The following TBC1D1 variants were observed in gnomAD, a reference collection of about 807,000 sequenced individuals.
The protein encoded by TBC1D1 is TBC1 domain family member 1.
In TBC1D1, 89 loss-of-function variants were observed where a neutral mutation model predicts 125.6. The ratio of observed to expected loss-of-function variants is 0.71; its 90% CI spans 0.60 to 0.85. The LOEUF is 0.85. Among genes scored for constraint, TBC1D1 ranks in the 40% least tolerant of loss-of-function variants. The pLI is 0.00. For missense variants in TBC1D1, 1,377 were observed against 1,469.2 expected (o/e 0.94, Z 1.03); for synonymous variants, 565 against 564.1 (o/e 1.00, Z -0.02).
intron 12 of TBC1D1, among the ~76,000 whole-genome samples, chr4:38,069,089 T>G (rs1179467231): frequency 6.6e-6 from 1 of 152,212 alleles, no homozygotes; most frequent in African/African-American, 2.4e-5. Context: ...GGGACTGTCA[T>G]GTATCCAGGT....
rs529765032 is a variant in TBC1D1, at chr4:38,102,693, G to A, written c.2399-306G>A. On this transcript the variant is annotated intron_variant, in intron 14 of 19. Transcript: ENST00000261439. ...CAGGAGTTTGAGACAAGCCTGGACAGCATAGTGAGACCCTGTCTCTACAAA... is the reference window on the plus strand; with the variant it reads ...CAGGAGTTTGAGACAAGCCTGGACAACATAGTGAGACCCTGTCTCTACAAA... Among the ~76,000 whole-genome samples, 17 of 151,994 alleles carry A rather than the reference G, an allele frequency of 1.1e-4. No homozygotes were observed. In the South Asian group the frequency reaches 3.1e-3, roughly 28 times the overall value.
intron 18 of TBC1D1, among the ~76,000 whole-genome samples, chr4:38,127,849 A>T (rs2152623805): frequency 6.6e-6 from 1 of 152,292 alleles, no homozygotes; most frequent in South Asian, 2.1e-4. Flanking sequence ...GACTTAAAAG[A>T]TGACCTAAGA....
intron 2 of TBC1D1, among the ~76,000 whole-genome samples, chr4:37,936,758 G>GTAT (rs1724485544): frequency 5.3e-5 from 8 of 152,200 alleles, no homozygotes; most frequent in Non-Finnish European, 1.2e-4. Context: ...TACTAGAATA[G>GTAT]AACCTCCTTG....
rs144152618 is a variant in TBC1D1 at position 37,958,394 on chromosome 4, C to G, written c.417+55882C>G. Among the ~76,000 whole-genome samples, 106 of 152,332 alleles carry G rather than the reference C, an allele frequency of 7.0e-4. No homozygotes were observed. In the East Asian group the frequency reaches 0.019, roughly 27 times the overall value. ...TATTTTTGTTCCAAGATGGTGTACT[C>G]TATTTTCCAGCAAAATGGGACAGTT... On this transcript the variant is annotated intron_variant, in intron 2 of 19. Transcript: ENST00000261439.
chr4:38,085,556 A>C (rs1290020101), intron 12 of TBC1D1, among the ~76,000 whole-genome samples: 3 of 152,070 alleles, frequency 2.0e-5, no homozygotes, highest in East Asian at 3.8e-4. Context: ...AGAGGCACCA[A>C]CACAGTTGGC....
intron 2 of TBC1D1, among the ~76,000 whole-genome samples, chr4:37,956,170 C>T (rs1303910097): frequency 6.6e-6 from 1 of 151,878 alleles, no homozygotes; most frequent in African/African-American, 2.4e-5. Flanking sequence ...GGAATGACAA[C>T]CGGCTAATTT....
At chr4:38,131,765 G>A (rs557758424) in intron 18 of TBC1D1, among the ~76,000 whole-genome samples, 58 of 152,242 alleles carry the variant, frequency 3.8e-4, no homozygotes, top group Non-Finnish European at 5.0e-4. Context: ...CCTCACGGTC[G>A]CTCTGAAGGA....
rs1716242108 is a variant in TBC1D1 at position 37,902,304 on chromosome 4, C to A, written c.209C>A (p.Pro70His). The A allele has an allele frequency of 1.9e-6, 3 of 1,613,968 alleles. No homozygotes were observed. The highest frequency in any genetic ancestry group is 3.3e-5 in the Admixed American group (2 of 59,994). ...AAGCAAGTCCGGCTTTGCGTTTCACCCTCTGGACTGAGATGTGAACCTGAG... is the reference window on the plus strand; with the variant it reads ...AAGCAAGTCCGGCTTTGCGTTTCACACTCTGGACTGAGATGTGAACCTGAG... Residue 70 changes from proline to histidine, a missense_variant, in exon 2 of 20, where the codon CCC (proline) becomes CAC (histidine). This residue lies in a region of TBC1D1 where 822 missense variants were observed against 824.6 expected (regional missense o/e 1.00). Transcript: ENST00000261439.
chr4:37,972,915 A>G (rs1732349263), intron 2 of TBC1D1, among the ~76,000 whole-genome samples: 1 of 152,004 alleles, frequency 6.6e-6, no homozygotes, highest in African/African-American at 2.4e-5. Context: ...AAAAAAAAAA[A>G]AAAAAAGAAA....
At chr4:37,908,459 A>G (rs2152243728) in intron 2 of TBC1D1, among the ~76,000 whole-genome samples, 1 of 151,348 alleles carries the variant, frequency 6.6e-6, no homozygotes, top group African/African-American at 2.4e-5. Flanking sequence ...GCCCGCTTCC[A>G]CCTCCCAAAA....
chr4:38,106,297 A>ATGG (rs71190955), intron 15 of TBC1D1, among the ~76,000 whole-genome samples: 15,347 of 152,160 alleles, frequency 0.1, 1,166 homozygotes, highest in East Asian at 0.39. Context: ...CATGTTGACC[A>ATGG]TGGTCACAAA....
chr4:38,046,068 T>TA (rs1749392812), intron 10 of TBC1D1, among the ~76,000 whole-genome samples, 165 bp downstream of exon 10: 1 of 152,062 alleles, frequency 6.6e-6, no homozygotes, highest in African/African-American at 2.4e-5. Context: ...AAGTTTTACA[T>TA]AAAAGAGCAG....
At chr4:38,043,828 T>C (rs1407106548) in intron 8 of TBC1D1, among the ~76,000 whole-genome samples, 2 of 152,122 alleles carry the variant, frequency 1.3e-5, no homozygotes, top group East Asian at 1.9e-4. Flanking sequence ...GCAGAGAGAA[T>C]AGGTTCTTTA....
At chr4:38,045,790 T>C in intron 9 of TBC1D1, 27 bp from the exon 10 acceptor site, 1 of 1,600,798 alleles carries the variant, frequency 6.2e-7, no homozygotes, top group South Asian at 1.1e-5. Flanking sequence ...TCCAGAGTCA[T>C]AACTCGACTG....
intron 11 of TBC1D1, 73 bp downstream of exon 11, chr4:38,049,971 G>C (rs149839372): frequency 6.7e-7 from 1 of 1,484,320 alleles, no homozygotes; most frequent in East Asian, 2.3e-5. Context: ...TGCATCCCAG[G>C]TATGTTTATT....
At chr4:37,948,797 C>T (rs999208895) in intron 2 of TBC1D1, among the ~76,000 whole-genome samples, 1 of 152,242 alleles carries the variant, frequency 6.6e-6, no homozygotes, top group South Asian at 2.1e-4. Context: ...CTTCTTCAGC[C>T]GTAACCACAG....
intron 12 of TBC1D1, among the ~76,000 whole-genome samples, chr4:38,072,995 A>G (rs552497450): frequency 4.0e-5 from 6 of 151,640 alleles, no homozygotes; most frequent in Admixed American, 3.3e-4. Context: ...TGTTGTATGT[A>G]TATTTAACAT....
intron 2 of TBC1D1, among the ~76,000 whole-genome samples, chr4:37,935,336 A>G (rs1055168729): frequency 2.6e-5 from 4 of 152,066 alleles, no homozygotes; most frequent in African/African-American, 4.8e-5. Flanking sequence ...TTCTCCTTCA[A>G]ACTGAACATG....
chr4:38,093,039 T>C (rs991243866), intron 13 of TBC1D1, among the ~76,000 whole-genome samples: 11 of 152,164 alleles, frequency 7.2e-5, no homozygotes, highest in Non-Finnish European at 1.2e-4. Context: ...AGAATCCATT[T>C]TTTTCTTGTC....
Sources: gnomAD v4.1 joint callset for allele counts (sites outside exome capture counted in the v4.1 genomes callset) on GRCh38, gnomAD v4.1.1 for gene constraint, gnomAD v4.1.1 regional missense constraint, MANE v1.5 for transcripts, NCBI Gene and HGNC (gene_info 2026-07-23, HGNC 2026-07-21) for gene names.